Variants in EPS8 observed in about 807,000 individuals in gnomAD.
EPS8 encodes EGFR pathway substrate 8, signaling adaptor, also known as epidermal growth factor receptor kinase substrate 8.
EPS8 carries 42 observed loss-of-function variants against 103.8 expected under a neutral mutation model. That is an observed-to-expected ratio of 0.40 (90% CI 0.32 to 0.52). EPS8 has a LOEUF of 0.52. Ranked by LOEUF, EPS8 falls within the 20% of genes least tolerant of loss-of-function variation. The probability of loss-of-function intolerance (pLI) is 0.40; values close to 1 mark genes in which losing one functional copy is unlikely to be tolerated. For missense variants in EPS8, 969 were observed against 1,005.1 expected (o/e 0.96, Z 0.49); for synonymous variants, 344 against 344.6 (o/e 1.00, Z 0.02).
intron 20 of EPS8, among the ~76,000 whole-genome samples, chr12:15,622,733 C>T (rs1461445517): frequency 6.6e-6 from 1 of 151,626 alleles, no homozygotes; most frequent in Non-Finnish European, 1.5e-5. Flanking sequence ...CTAGACCTAA[C>T]ACACACAGCC....
intron 7 of EPS8, 47 bp from the exon 8 acceptor site, chr12:15,665,939 T>C (rs1256463257): frequency 6.3e-7 from 1 of 1,585,916 alleles, no homozygotes; most frequent in Non-Finnish European, 8.6e-7. Context: ...TCTATTTCTA[T>C]AACATATCAA....
chr12:15,648,167 C>T (rs1446222997), intron 14 of EPS8, among the ~76,000 whole-genome samples: 1 of 152,164 alleles, frequency 6.6e-6, no homozygotes, highest in Non-Finnish European at 1.5e-5. Context: ...GGTCCACGAC[C>T]CAGGAACTGG....
chr12:15,742,461 A>G (rs1384740406), intron 1 of EPS8, among the ~76,000 whole-genome samples: 1 of 152,224 alleles, frequency 6.6e-6, no homozygotes, highest in Admixed American at 6.5e-5. Flanking sequence ...TCAACAAAAA[A>G]AGAGAATTTT....
chr12:15,626,263 T>A (rs956814873), intron 18 of EPS8, among the ~76,000 whole-genome samples: 1 of 152,134 alleles, frequency 6.6e-6, no homozygotes, highest in African/African-American at 2.4e-5. Context: ...TATTAACAGA[T>A]CTCTCTGCTT....
chr12:15,634,767 T>C (rs1945107625), intron 17 of EPS8: 1 of 398,816 alleles, frequency 2.5e-6, no homozygotes, highest in Non-Finnish European at 4.4e-6. Context: ...TAATTGCTAT[T>C]AGGAAAATGG....
rs528803911 is a variant in EPS8, at chr12:15,751,566, T to C, written c.-22+37595A>G. Reference sequence around the variant, plus strand: ...CCTCCACAAACACTTATTCAACAAATATTTAATGGACAGATTCAATACTGG... The same window carrying C: ...CCTCCACAAACACTTATTCAACAAACATTTAATGGACAGATTCAATACTGG... On this transcript the variant is annotated intron_variant, in intron 1 of 20. Coordinates refer to ENST00000281172, the MANE Select transcript of EPS8 (RefSeq NM_004447.6). The surrounding 1 kb of genome is among the most constrained non-coding windows in gnomAD (Gnocchi z 4.3). Among the ~76,000 whole-genome samples, 22 of 152,104 alleles carry C rather than the reference T, an allele frequency of 1.4e-4. No individual in the cohort carries two copies. The highest frequency in any genetic ancestry group is 2.4e-4 in the Non-Finnish European group (16 of 68,008).
At chr12:15,712,659 T>C (rs1214427521) in intron 1 of EPS8, among the ~76,000 whole-genome samples, 1 of 152,314 alleles carries the variant, frequency 6.6e-6, no homozygotes, top group East Asian at 1.9e-4. Flanking sequence ...CTGAGGAGAC[T>C]GGGTTACCAC....
chr12:15,625,575 T>G (rs570117639), intron 18 of EPS8, among the ~76,000 whole-genome samples: 1 of 152,172 alleles, frequency 6.6e-6, no homozygotes, highest in Non-Finnish European at 1.5e-5. Flanking sequence ...TCTACTACAC[T>G]TTGCTAAACT....
Position 15,745,447 on chromosome 12 carries a change from C to T in EPS8, c.-22+43714G>A, listed in dbSNP as rs1946866101. Among the ~76,000 whole-genome samples the T allele has an allele frequency of 2.0e-5, 3 of 151,848 alleles. No individual in the cohort carries two copies. In the South Asian group the frequency reaches 6.2e-4, roughly 32 times the overall value. On this transcript the variant is annotated intron_variant, in intron 1 of 20. Transcript: ENST00000281172. The surrounding 1 kb of genome is among the most constrained non-coding windows in gnomAD (Gnocchi z 4.6). Reference sequence around the variant, plus strand: ...TGGGAATTCTCAACATTGCTGTAAACAGCCACTACTAAATTATAAAGTCAG... The same window carrying T: ...TGGGAATTCTCAACATTGCTGTAAATAGCCACTACTAAATTATAAAGTCAG...
rs1945305639 is a variant in EPS8, at chr12:15,645,515, T to C, written c.1568+1612A>G. On this transcript the variant is annotated intron_variant, in intron 15 of 20. Transcript: ENST00000281172. Reference sequence around the variant, plus strand: ...ATAATTTAAGTGAGCTAACTGAATCTATTTTGGAAGCAGAAGGGGTACAAA... The same window carrying C: ...ATAATTTAAGTGAGCTAACTGAATCCATTTTGGAAGCAGAAGGGGTACAAA... 4.6e-5 allele frequency among the ~76,000 whole-genome samples: 7 copies of C among 152,290 alleles called. No individual in the cohort carries two copies. In the South Asian group the frequency reaches 1.5e-3, roughly 32 times the overall value.
intron 15 of EPS8, among the ~76,000 whole-genome samples, chr12:15,643,549 G>A (rs1465137188): frequency 6.6e-6 from 1 of 152,054 alleles, no homozygotes; most frequent in East Asian, 1.9e-4. Flanking sequence ...AGACCAGCCT[G>A]TCCAATATCG....
intron 17 of EPS8, among the ~76,000 whole-genome samples, chr12:15,632,235 G>A (rs1256353747): frequency 6.6e-6 from 1 of 152,098 alleles, no homozygotes; most frequent in African/African-American, 2.4e-5. Flanking sequence ...GTCACGGGGT[G>A]GATGGTTGTG....
intron 4 of EPS8, among the ~76,000 whole-genome samples, chr12:15,670,327 T>C (rs891435396): frequency 6.6e-6 from 1 of 152,182 alleles, no homozygotes; most frequent in Non-Finnish European, 1.5e-5. Context: ...ACTGTTTAAA[T>C]TTGATTAAGC....
rs778107195 is a variant in EPS8 at position 15,681,290 on chromosome 12, T to C, written c.72A>G (p.Ser24=). The C allele has an allele frequency of 6.0e-6, 9 of 1,509,310 alleles. No individual in the cohort carries two copies. The Admixed American group carries it at 1.1e-4, about 18-fold the overall frequency. 93.5% of individuals were successfully genotyped at this position (1,509,310 alleles called of 1,614,324 possible). Residue 24 remains serine (S), a synonymous_variant, in exon 3 of 21, where the codon TCA becomes TCG. Coordinates refer to ENST00000281172, the MANE Select transcript of EPS8 (RefSeq NM_004447.6). The part of the protein sequence containing the change: ...MYPSQMNGYG[S]SPTFSQTDRE... ...TGTCCGTCTGGGAAAAGGTAGGTGA[T>C]GATCCGTAGCCACTGTAATAATAAT...
intron 17 of EPS8, among the ~76,000 whole-genome samples, chr12:15,637,276 C>T (rs1259978725): frequency 1.3e-5 from 2 of 152,258 alleles, no homozygotes; most frequent in African/African-American, 2.4e-5. Context: ...CTGCCTCGGC[C>T]TCCCAAAGTT....
intron 6 of EPS8, among the ~76,000 whole-genome samples, chr12:15,668,891 G>T (rs1945763347): frequency 6.6e-6 from 1 of 152,080 alleles, no homozygotes; most frequent in African/African-American, 2.4e-5. Context: ...AAAATAAACA[G>T]AATGCATCTT....
In EPS8 at chr12:15,780,097, T is replaced by TA. The variant is rs1396430530; in HGVS notation, c.-22+9063dup. The TA allele has an allele frequency of 2.0e-5, 3 of 152,206 alleles. No individual in the cohort carries two copies. The highest frequency in any genetic ancestry group is 7.2e-5 in the African/African-American group (3 of 41,456). 9.4% of individuals were successfully genotyped at this position (152,206 alleles called of 1,614,324 possible). A position where few individuals can be genotyped will look rare whatever the true frequency, so the allele number is the denominator to read the frequency against. ...TGAATTTGTTTGCTACATAAAGAGC[T>TA]ACATTTAGAAGGCCATGTGACTAGA... On this transcript the variant is annotated intron_variant, in intron 1 of 20. Coordinates refer to ENST00000281172, the MANE Select transcript of EPS8 (RefSeq NM_004447.6). This position sits in a 1 kb window ranked among gnomAD's most constrained non-coding sequence, Gnocchi z 4.1.
chr12:15,766,803 T>C (rs1166592402), intron 1 of EPS8, among the ~76,000 whole-genome samples: 2 of 152,194 alleles, frequency 1.3e-5, no homozygotes, highest in South Asian at 2.1e-4. Flanking sequence ...AGTAAGACTC[T>C]ATGGGGTCAT....
chr12:15,652,667 T>C (rs905380817), intron 13 of EPS8, among the ~76,000 whole-genome samples: 3 of 152,174 alleles, frequency 2.0e-5, no homozygotes, highest in Non-Finnish European at 2.9e-5. Flanking sequence ...GCATACACTA[T>C]GCTATACTAG....
Sources: gnomAD v4.1 joint callset for allele counts (sites outside exome capture counted in the v4.1 genomes callset) on GRCh38, gnomAD v4.1.1 for gene constraint, Gnocchi (gnomAD v3.1) non-coding constraint, MANE v1.5 for transcripts, NCBI Gene and HGNC (gene_info 2026-07-23, HGNC 2026-07-21) for gene names.